The following COBLL1 variants were observed in gnomAD, a reference collection of about 807,000 sequenced individuals.
COBLL1 encodes the protein cordon-bleu WH2 repeat protein like 1.
A neutral mutation model predicts 94.8 loss-of-function variants in COBLL1; 50 were observed. The ratio of observed to expected loss-of-function variants is 0.53; its 90% CI spans 0.42 to 0.67. The LOEUF is 0.67. Ranked by LOEUF, COBLL1 falls within the 30% of genes least tolerant of loss-of-function variation. The pLI is 0.00. For missense variants in COBLL1, 1,362 were observed against 1,348.7 expected (o/e 1.01, Z -0.15); for synonymous variants, 448 against 473.8 (o/e 0.95, Z 0.71).
Position 164,841,271 on chromosome 2 carries a change from C to A in COBLL1, c.-50-25G>T. The A allele has an allele frequency of 8.2e-7, 1 of 1,221,414 alleles. No individual in the cohort carries two copies. The highest frequency in any genetic ancestry group is 4.1e-5 in the South Asian group (1 of 24,224). 75.7% of individuals were successfully genotyped at this position (1,221,414 alleles called of 1,614,324 possible). On this transcript the variant is annotated intron_variant, in intron 1 of 13. Transcript: ENST00000652658. The surrounding 1 kb of genome is among the most constrained non-coding windows in gnomAD (Gnocchi z 5.5). ...GCTGGGGTGGGAGAGGCCGGCGGGT[C>A]AGGGCGGGACGCGCGCCTTCCCGAG... is the stretch of plus-strand genomic sequence containing the variant.
intron 11 of COBLL1, chr2:164,696,754 G>C (rs1433821640): frequency 1.3e-5 from 2 of 152,224 alleles, no homozygotes; most frequent in Admixed American, 1.3e-4. Context: ...GAAGGAAACA[G>C]GGTTTGGAGT....
intron 7 of COBLL1, 194 bp from the exon 8 acceptor site, chr2:164,705,299 A>G (rs1684530808): frequency 5.1e-6 from 2 of 388,542 alleles, no homozygotes; most frequent in Non-Finnish European, 9.0e-6. Context: ...AAAATAAAAT[A>G]CGGCCTTTCT....
chr2:164,722,012 G>GTCCT (rs1685468155), intron 7 of COBLL1, 63 bp downstream of exon 7: 2 of 1,261,390 alleles, frequency 1.6e-6, no homozygotes, highest in Non-Finnish European at 2.2e-6. Flanking sequence ...TGTTAGGTAA[G>GTCCT]AGGAAAAATA....
chr2:164,763,458 C>T (rs976883358), intron 2 of COBLL1, among the ~76,000 whole-genome samples: 4 of 152,130 alleles, frequency 2.6e-5, no homozygotes, highest in Admixed American at 6.5e-5. Context: ...CGTAGTTACC[C>T]TTTGGCCCAA....
At chr2:164,837,075 T>C (rs1186631013) in intron 2 of COBLL1, among the ~76,000 whole-genome samples, 1 of 152,230 alleles carries the variant, frequency 6.6e-6, no homozygotes. Context: ...TAAATCATTC[T>C]TTAATTTTTC....
chr2:164,730,727 T>A (rs866917939), intron 3 of COBLL1, among the ~76,000 whole-genome samples: 2 of 152,300 alleles, frequency 1.3e-5, no homozygotes, highest in Middle Eastern at 3.4e-3. Flanking sequence ...CCAAGAGCAG[T>A]CCTTCACAAC....
chr2:164,837,963 C>T (rs1683402087), intron 2 of COBLL1, among the ~76,000 whole-genome samples: 2 of 152,120 alleles, frequency 1.3e-5, no homozygotes, highest in African/African-American at 2.4e-5. Flanking sequence ...GGGAGGATCA[C>T]TTGGGCCCAA....
Position 164,744,025 on chromosome 2 carries a change from C to T in COBLL1, c.42-150G>A, listed in dbSNP as rs144327466. ...ATGTTAACTGTTAGTGTTGGATGGT[C>T]GAATTAGGATTTTGTTTTCCTTTTC... On this transcript the variant is annotated intron_variant, in intron 2 of 13. Transcript: ENST00000652658. 103 of 551,722 alleles carry T rather than the reference C, an allele frequency of 1.9e-4. No individual in the cohort carries two copies. In the East Asian group the frequency reaches 3.0e-3, roughly 16 times the overall value. 34.2% of individuals were successfully genotyped at this position (551,722 alleles called of 1,614,324 possible). A position where few individuals can be genotyped will look rare whatever the true frequency, so the allele number is the denominator to read the frequency against.
intron 2 of COBLL1, among the ~76,000 whole-genome samples, chr2:164,798,824 C>A (rs1683609797): frequency 6.6e-6 from 1 of 151,364 alleles, no homozygotes; most frequent in Non-Finnish European, 1.5e-5. Flanking sequence ...TCGAGACCAC[C>A]CTGGCTAACA....
rs150144076 is a variant in COBLL1 at position 164,768,336 on chromosome 2, G to A, written c.42-24461C>T. ...CTAAGCCAAGCTTGTCCAACCTGTGGCCTGCAGGCCACATGCAGCCCAGGA... is the reference window on the plus strand; with the variant it reads ...CTAAGCCAAGCTTGTCCAACCTGTGACCTGCAGGCCACATGCAGCCCAGGA... On this transcript the variant is annotated intron_variant, in intron 2 of 13. Coordinates refer to ENST00000652658, the MANE Select transcript of COBLL1 (RefSeq NM_001365672.2). 2.5e-3 allele frequency among the ~76,000 whole-genome samples: 386 copies of A among 152,188 alleles called. 8 individuals carry two copies. Among genetic ancestry groups the A allele is most frequent in the Middle Eastern group, 0.021 (6 of 292 alleles).
chr2:164,762,159 T>G (rs1687714666), intron 2 of COBLL1, among the ~76,000 whole-genome samples: 1 of 152,210 alleles, frequency 6.6e-6, no homozygotes, highest in Non-Finnish European at 1.5e-5. Context: ...TTCAGCTGAT[T>G]AATACTAGCC....
intron 2 of COBLL1, among the ~76,000 whole-genome samples, chr2:164,799,274 AG>A (rs1369308072): frequency 6.6e-6 from 1 of 152,180 alleles, no homozygotes; most frequent in Non-Finnish European, 1.5e-5. Flanking sequence ...AGTAAAGAGA[AG>A]GGGTTTCCTA....
rs1287458904 is a variant in COBLL1, at chr2:164,739,363, C to T, written c.230+4324G>A. ...GAAGATACCACTGTGCACTCACATTCCCCAAAATAGAACATCCTGAGCCCA... is the reference window on the plus strand; with the variant it reads ...GAAGATACCACTGTGCACTCACATTTCCCAAAATAGAACATCCTGAGCCCA... On this transcript the variant is annotated intron_variant, in intron 3 of 13. Transcript: ENST00000652658. Among the ~76,000 whole-genome samples the T allele has an allele frequency of 3.3e-5, 5 of 152,272 alleles. No individual in the cohort carries two copies. In the South Asian group the frequency reaches 1.0e-3, roughly 32 times the overall value.
At chr2:164,796,880 C>T (rs1413317302) in intron 2 of COBLL1, among the ~76,000 whole-genome samples, 1 of 151,884 alleles carries the variant, frequency 6.6e-6, no homozygotes, top group African/African-American at 2.4e-5. Flanking sequence ...GAGGCTGAGG[C>T]AGGAGGATTG....
At chr2:164,667,440 C>T (rs1691179632) in intron 1 of COBLL1, among the ~76,000 whole-genome samples, 1 of 152,162 alleles carries the variant, frequency 6.6e-6, no homozygotes, top group Non-Finnish European at 1.5e-5. Context: ...CATTCATTGA[C>T]TTCTCTCTAG....
At chr2:164,714,862 A>G (rs1047732611) in intron 7 of COBLL1, among the ~76,000 whole-genome samples, 6 of 152,328 alleles carry the variant, frequency 3.9e-5, no homozygotes, top group Middle Eastern at 3.4e-3. Flanking sequence ...ATGTTATTTT[A>G]GAGAGGTACG....
chr2:164,680,519 T>C lies in COBLL1; in HGVS notation c.*5427A>G, dbSNP rs1682988360. On this transcript the variant is annotated 3_prime_UTR_variant, in exon 14 of 14. Transcript: ENST00000652658. ...GAGCACACAGGGTGAGTTACTCTTT[T>C]CCGTAATGACGCCTCTTGGTTTCTT... The C allele has an allele frequency of 6.6e-6, 1 of 152,160 alleles. No individual in the cohort carries two copies. The highest frequency in any genetic ancestry group is 1.5e-5 in the Non-Finnish European group (1 of 68,032). The allele number at this position is 152,160 out of a possible 1,614,324, so 9.4% of individuals were successfully genotyped here.
At chr2:164,721,381 T>G (rs761297048) in intron 7 of COBLL1, among the ~76,000 whole-genome samples, 44 of 152,324 alleles carry the variant, frequency 2.9e-4, no homozygotes, top group Middle Eastern at 3.4e-3. Flanking sequence ...AAGCAAGGAA[T>G]ATGCAGATTG....
chr2:164,722,064 A>C lies in COBLL1; in HGVS notation c.996+11T>G. ...ATCCAAAAAAACAAAATAGAAAACA[A>C]AACTACACACCTTATCTGTCTCATC... On this transcript the variant is annotated intron_variant, in intron 7 of 13. Transcript: ENST00000652658. The C allele has an allele frequency of 6.4e-7, 1 of 1,551,242 alleles. No individual in the cohort carries two copies. Among genetic ancestry groups the C allele is most frequent in the Non-Finnish European group, 8.7e-7 (1 of 1,149,812 alleles).
Sources: gnomAD v4.1 joint callset for allele counts (sites outside exome capture counted in the v4.1 genomes callset) on GRCh38, gnomAD v4.1.1 for gene constraint, Gnocchi (gnomAD v3.1) non-coding constraint, MANE v1.5 for transcripts, NCBI Gene and HGNC (gene_info 2026-07-23, HGNC 2026-07-21) for gene names.